Variants in CADM2 observed in about 807,000 individuals in gnomAD.
CADM2 encodes cell adhesion molecule 2, also known as immunoglobulin superfamily member 4D.
A neutral mutation model predicts 49.8 loss-of-function variants in CADM2; 12 were observed. The observed-to-expected ratio is 0.24, with a 90% CI of 0.15 to 0.39. The LOEUF is 0.39. Among genes scored for constraint, CADM2 ranks in the 10% least tolerant of loss-of-function variants. The pLI, the probability that CADM2 is intolerant of heterozygous loss-of-function variation, is 1.00. For missense variants in CADM2, 378 were observed against 492.3 expected, an observed-to-expected ratio of 0.77 and a Z score of 2.20; for synonymous variants, 214 against 175.4, an observed-to-expected ratio of 1.22 and a Z score of -1.74.
At chr3:85,074,201 C>T (rs12633191) in intron 1 of CADM2, among the ~76,000 whole-genome samples, 4,654 of 152,152 alleles carry the variant, frequency 0.031, 272 homozygotes, top group East Asian at 0.16. Flanking sequence ...TTAAACCCTC[C>T]ACATACTCTC....
chr3:86,010,820 T>A (rs1405025789), intron 8 of CADM2, among the ~76,000 whole-genome samples: 1 of 151,580 alleles, frequency 6.6e-6, no homozygotes, highest in Non-Finnish European at 1.5e-5. Flanking sequence ...AAATAAATTA[T>A]TAATATGCAC....
At chr3:85,803,819 AT>A (rs1404153142) in intron 3 of CADM2, among the ~76,000 whole-genome samples, 1 of 152,182 alleles carries the variant, frequency 6.6e-6, no homozygotes, top group African/African-American at 2.4e-5. Flanking sequence ...ATCTAAAAAA[AT>A]ACCTTCACAG....
intron 1 of CADM2, among the ~76,000 whole-genome samples, chr3:85,031,298 G>C (rs1300793958): frequency 6.6e-6 from 1 of 152,182 alleles, no homozygotes; most frequent in African/African-American, 2.4e-5. Context: ...TGTCAGCCTT[G>C]CAGGGCATAG....
chr3:85,958,127 G>A (rs1402753338), intron 7 of CADM2, among the ~76,000 whole-genome samples: 4 of 151,982 alleles, frequency 2.6e-5, no homozygotes, highest in Non-Finnish European at 5.9e-5. Flanking sequence ...CCATCTGAAA[G>A]TGGGCAAAGG....
intron 6 of CADM2, among the ~76,000 whole-genome samples, chr3:85,924,771 A>G (rs890417690): frequency 9.9e-5 from 15 of 152,128 alleles, no homozygotes; most frequent in African/African-American, 3.1e-4. Flanking sequence ...ACTCAGTTTT[A>G]CACACTGCCA....
intron 8 of CADM2, among the ~76,000 whole-genome samples, chr3:86,011,360 T>C (rs1265075414): frequency 6.6e-6 from 1 of 152,144 alleles, no homozygotes; most frequent in Non-Finnish European, 1.5e-5. Context: ...AACTAACCAT[T>C]TTAATCAGTT....
chr3:85,350,740 A>G (rs7652888), intron 1 of CADM2, among the ~76,000 whole-genome samples: 3,737 of 152,204 alleles, frequency 0.025, 121 homozygotes, highest in African/African-American at 0.077. Context: ...GTCATCTAGA[A>G]CAAGAAGGTT....
intron 1 of CADM2, among the ~76,000 whole-genome samples, chr3:85,434,036 A>G (rs142546571): frequency 4.5e-4 from 68 of 152,228 alleles, no homozygotes; most frequent in African/African-American, 1.6e-3. Context: ...TTTAAAACTT[A>G]CAGTATGAGT....
chr3:85,120,883 A>T (rs1004081908), intron 1 of CADM2, among the ~76,000 whole-genome samples: 1 of 152,198 alleles, frequency 6.6e-6, no homozygotes, highest in African/African-American at 2.4e-5. Context: ...TCAGCTGGTA[A>T]GATTCACTCG....
chr3:85,866,975 T>C (rs1045533004), intron 3 of CADM2, among the ~76,000 whole-genome samples: 6 of 152,144 alleles, frequency 3.9e-5, no homozygotes, highest in African/African-American at 1.2e-4. Context: ...TCTAGTAGAA[T>C]GAATAACAGC....
At chr3:85,330,997 T>G (rs2044907725) in intron 1 of CADM2, among the ~76,000 whole-genome samples, 1 of 152,056 alleles carries the variant, frequency 6.6e-6, no homozygotes. Context: ...TTTAGAACGT[T>G]TATGGATATA....
At position 85,986,544 on chromosome 3, in the gene CADM2, C is replaced by T. The variant is rs115216929; in HGVS notation, c.970+24897C>T. 2.8e-3 allele frequency among the ~76,000 whole-genome samples: 420 copies of T among 152,060 alleles called. 5 individuals carry two copies. Among genetic ancestry groups the T allele is most frequent in the African/African-American group, 9.5e-3 (393 of 41,498 alleles). Reference sequence around the variant, plus strand: ...ATTAAGTGTCAATATGTTGGGGTTTCTTTTCTTGACAAAAATTAAGTAATT... The same window carrying T: ...ATTAAGTGTCAATATGTTGGGGTTTTTTTTCTTGACAAAAATTAAGTAATT... On this transcript the variant is annotated intron_variant, in intron 8 of 9. Coordinates refer to ENST00000383699, the MANE Select transcript of CADM2 (RefSeq NM_001167675.2).
At chr3:86,051,836 T>C (rs1238192855) in intron 8 of CADM2, among the ~76,000 whole-genome samples, 1 of 152,100 alleles carries the variant, frequency 6.6e-6, no homozygotes, top group Non-Finnish European at 1.5e-5. Context: ...AAGGAGATAG[T>C]GCTAAACCAT....
At chr3:85,121,165 A>C (rs576226771) in intron 1 of CADM2, among the ~76,000 whole-genome samples, 2 of 152,318 alleles carry the variant, frequency 1.3e-5, no homozygotes, top group South Asian at 2.1e-4. Context: ...ATAAAGGCAG[A>C]GGGAGAATTG....
intron 1 of CADM2, among the ~76,000 whole-genome samples, chr3:85,489,453 C>G (rs979755268): frequency 6.6e-6 from 1 of 151,912 alleles, no homozygotes; most frequent in Non-Finnish European, 1.5e-5. Flanking sequence ...TTTATAAGTT[C>G]AATATACATT....
At chr3:85,595,397 G>A (rs1031221564) in intron 1 of CADM2, among the ~76,000 whole-genome samples, 2 of 151,976 alleles carry the variant, frequency 1.3e-5, no homozygotes, top group Non-Finnish European at 2.9e-5. Context: ...TATGCAAACA[G>A]TTCACAGAAC....
At chr3:85,939,468 A>AACACACACACACACACACACACACAC (rs373804679) in intron 7 of CADM2, among the ~76,000 whole-genome samples, 6 of 136,978 alleles carry the variant, frequency 4.4e-5, no homozygotes, top group Admixed American at 1.5e-4. Flanking sequence ...AGTAAACGAA[A>AACACACACACACACACACACACACAC]ACACACACAC....
At chr3:85,189,614 C>T (rs533130926) in intron 1 of CADM2, among the ~76,000 whole-genome samples, 7 of 152,208 alleles carry the variant, frequency 4.6e-5, no homozygotes, top group East Asian at 3.9e-4. Context: ...TGTACTGTTA[C>T]GCCAAGATAC....
At chr3:84,999,878 T>A (rs2033367867) in intron 1 of CADM2, among the ~76,000 whole-genome samples, 1 of 152,172 alleles carries the variant, frequency 6.6e-6, no homozygotes, top group Non-Finnish European at 1.5e-5. Context: ...GACCACTCTA[T>A]GGAGGCTCTG....
Sources: gnomAD v4.1 joint callset for allele counts (sites outside exome capture counted in the v4.1 genomes callset) on GRCh38, gnomAD v4.1.1 for gene constraint, MANE v1.5 for transcripts, NCBI Gene and HGNC (gene_info 2026-07-23, HGNC 2026-07-21) for gene names.